The following FAM217A variants were observed in gnomAD, a reference collection of about 807,000 sequenced individuals.
FAM217A encodes the protein family with sequence similarity 217 member A, also known as protein FAM217A.
In FAM217A, 13 loss-of-function variants were observed where a neutral mutation model predicts 18.5. The ratio of observed to expected loss-of-function variants is 0.70; its 90% confidence interval spans 0.46 to 1.12. FAM217A has a LOEUF of 1.12. FAM217A is among the 50% of genes most tolerant of loss of function. The pLI, the probability that FAM217A is intolerant of heterozygous loss-of-function variation, is 0.00. For missense variants in FAM217A, 560 were observed against 575.4 expected (o/e 0.97, Z 0.27); for synonymous variants, 161 against 202.8 (o/e 0.79, Z 1.75).
At position 4,069,603 on chromosome 6, in the gene FAM217A, T is replaced by C; in HGVS notation, c.620A>G (p.Glu207Gly). Reference protein sequence around the residue: ...ENFTDESDLSENEKTNDTLLS... With the variant: ...ENFTDESDLSGNEKTNDTLLS... ...TAAAGTATCATTTGTCTTCTCATTTTCTGATAAATCACTTTCATCTGTGAA... is the reference window on the plus strand; with the variant it reads ...TAAAGTATCATTTGTCTTCTCATTTCCTGATAAATCACTTTCATCTGTGAA... Residue 207 changes from glutamate (E) to glycine (G), a missense_variant, in exon 7 of 7, where the codon GAA (glutamate) becomes GGA (glycine). By Grantham distance (98) the Glu-to-Gly change is moderately conservative. Coordinates refer to ENST00000274673, the MANE Select transcript of FAM217A (RefSeq NM_173563.3). The C allele has an allele frequency of 6.2e-7, 1 of 1,614,172 alleles. No individual in the cohort carries two copies. The highest frequency in any genetic ancestry group is 1.7e-5 in the Admixed American group (1 of 60,018).
intron 6 of FAM217A, among the ~76,000 whole-genome samples, chr6:4,070,367 TA>T (rs1295857632): frequency 6.6e-6 from 1 of 152,202 alleles, no homozygotes; most frequent in Non-Finnish European, 1.5e-5. Flanking sequence ...TAGGTTACTT[TA>T]AAAAGCCTTC....
At chr6:4,079,268 C>T (rs1277908135), upstream of FAM217A, 1 of 166,714 alleles carries the variant, frequency 6.0e-6, no homozygotes, top group Non-Finnish European at 1.3e-5. Flanking sequence ...TCGGGGGTCA[C>T]CCGGCCGCCG....
chr6:4,077,243 G>T, intron 2 of FAM217A, 112 bp downstream of exon 2: 1 of 1,002,644 alleles, frequency 1.0e-6, no homozygotes, highest in Non-Finnish European at 1.5e-6. Context: ...AGGATAAACT[G>T]CCCACGATGC....
Position 4,069,483 on chromosome 6 carries a change from G to A in FAM217A, c.740C>T (p.Pro247Leu). The change falls in exon 7 of 7, where the codon CCA becomes CTA. Residue 247 changes from proline (P) to leucine (L), a missense_variant. Physicochemically the swap from Pro to Leu is moderately conservative, Grantham distance 98 (BLOSUM62 -3). Transcript: ENST00000274673. ...AGGAGGAGGGAGAAAATCAGGATAT[G>A]GAAATACTTCATTTGGCTCCTCGGT... ...PFTEEPNEVF[P>L]YPDFLPPPFS... 1 of 1,614,112 alleles carries A rather than the reference G, an allele frequency of 6.2e-7. No individual in the cohort carries two copies. Among genetic ancestry groups the A allele is most frequent in the Non-Finnish European group, 8.5e-7 (1 of 1,180,014 alleles).
Position 4,069,197 on chromosome 6 carries a change from C to T in FAM217A, c.1026G>A (p.Gln342=), listed in dbSNP as rs778934160. Residue 342 remains glutamine, a synonymous_variant, in exon 7 of 7, where the codon CAG becomes CAA. Coordinates refer to ENST00000274673, the MANE Select transcript of FAM217A (RefSeq NM_173563.3). ...CTTGACTTTTATCTACACAAGGTAT[C>T]TGAAGACTCAAAGAGTCGCAAAGTT... The part of the protein sequence containing the change: ...QPKLCDSLSL[Q]IPCVDKSQEK... 1 of 1,604,234 alleles carries T rather than the reference C, an allele frequency of 6.2e-7. No homozygotes were observed. Among genetic ancestry groups the T allele is most frequent in the African/African-American group, 1.3e-5 (1 of 74,578 alleles).
At chr6:4,077,282 A>G (rs1654193311) in intron 2 of FAM217A, 73 bp downstream of exon 2, 2 of 1,506,066 alleles carry the variant, frequency 1.3e-6, no homozygotes, top group Non-Finnish European at 1.8e-6. Context: ...ACTACAAGAA[A>G]ACTCCATGGG....
chr6:4,079,433 C>CCGGGCCTTCT (rs1052986929), upstream of FAM217A: 5 of 343,602 alleles, frequency 1.5e-5, no homozygotes, highest in African/African-American at 6.7e-5. Flanking sequence ...CCTGAGCCTC[C>CCGGGCCTTCT]CGGGCCTTCT....
upstream of FAM217A, chr6:4,087,274 G>A: frequency 2.4e-6 from 3 of 1,227,426 alleles, no homozygotes; most frequent in Non-Finnish European, 3.1e-6. Flanking sequence ...CAAGACTGGA[G>A]TTTCTGCCAC....
chr6:4,085,992 A>G (rs929136993), intron 1 of FAM217A, among the ~76,000 whole-genome samples: 9 of 151,932 alleles, frequency 5.9e-5, no homozygotes, highest in Non-Finnish European at 8.8e-5. Context: ...ATGCACACCT[A>G]TAGACTCAGC....
Position 4,068,950 on chromosome 6 carries a change from G to A in FAM217A, c.1273C>T (p.Gln425Ter). Residue 425 changes from glutamine to a stop codon, truncating the protein, a stop_gained, in exon 7 of 7, where the codon CAA (glutamine) becomes TAA (stop). Coordinates refer to ENST00000274673, the MANE Select transcript of FAM217A (RefSeq NM_173563.3). LOFTEE classifies it low-confidence loss of function (END_TRUNC). Reference sequence around the variant, plus strand: ...GTGGAGACCATTTTAACCATTGATTGATTTGTATGGCCAATAGTAGGTTTG... The same window carrying A: ...GTGGAGACCATTTTAACCATTGATTAATTTGTATGGCCAATAGTAGGTTTG... The part of the protein sequence containing the change: ...SFKPTIGHTN[Q>*]SMVKMVSTRC... 2 of 1,614,152 alleles carry A rather than the reference G, an allele frequency of 1.2e-6. No individual in the cohort carries two copies. The highest frequency in any genetic ancestry group is 1.7e-6 in the Non-Finnish European group (2 of 1,180,014).
chr6:4,084,617 T>C, exon 2 of FAM217A: 1 of 703,054 alleles, frequency 1.4e-6, no homozygotes, highest in African/African-American at 1.7e-5. Context: ...AGTCCCTTTC[T>C]GGTCGTCAGA....
upstream of FAM217A, among the ~76,000 whole-genome samples, chr6:4,080,408 C>T (rs1770211152): frequency 6.6e-6 from 1 of 152,190 alleles, no homozygotes; most frequent in Admixed American, 6.5e-5. Flanking sequence ...CCATGTGGGC[C>T]GGGGCCTTGT....
At chr6:4,075,987 TA>T (rs1769764415) in intron 2 of FAM217A, among the ~76,000 whole-genome samples, 1 of 152,140 alleles carries the variant, frequency 6.6e-6, no homozygotes, top group African/African-American at 2.4e-5. Context: ...GGGAGCTTTT[TA>T]AAAATAATAG....
At chr6:4,072,672 G>A (rs1260441128) in intron 6 of FAM217A, among the ~76,000 whole-genome samples, 7 of 151,828 alleles carry the variant, frequency 4.6e-5, no homozygotes, top group Non-Finnish European at 1.0e-4. Flanking sequence ...TGAGGCAGGA[G>A]AATTGCTTCA....
chr6:4,083,010 C>T (rs923483591), upstream of FAM217A, among the ~76,000 whole-genome samples: 6 of 152,198 alleles, frequency 3.9e-5, no homozygotes, highest in African/African-American at 7.2e-5. Context: ...CATGGCCATG[C>T]CCAGGATTCA....
In FAM217A at chr6:4,069,087, C is replaced by A. The variant is rs1395963299; in HGVS notation, c.1136G>T (p.Trp379Leu). The A allele has an allele frequency of 6.2e-7, 1 of 1,613,974 alleles. No homozygotes were observed. Among genetic ancestry groups the A allele is most frequent in the African/African-American group, 1.3e-5 (1 of 74,896 alleles). The change falls in exon 7 of 7, where the codon TGG becomes TTG. Residue 379 changes from tryptophan to leucine, a missense_variant. Trp to Leu is a moderately conservative substitution (Grantham distance 61). Coordinates refer to ENST00000274673, the MANE Select transcript of FAM217A (RefSeq NM_173563.3). Reference protein sequence around the residue: ...RNWSNAGKYRWNSRPLSLKSS... With the variant: ...RNWSNAGKYRLNSRPLSLKSS... ...TTTTAGAGACAGTGGTCTAGAATTC[C>A]ATCTATATTTGCCAGCATTGCTCCA...
At chr6:4,078,643 C>A (rs1431405456) in intron 1 of FAM217A, among the ~76,000 whole-genome samples, 1 of 152,176 alleles carries the variant, frequency 6.6e-6, no homozygotes, top group Non-Finnish European at 1.5e-5. Flanking sequence ...GCCCTGGGGA[C>A]AAAGGACGCC....
At chr6:4,087,339 G>T, upstream of FAM217A, 1 of 1,231,836 alleles carries the variant, frequency 8.1e-7, no homozygotes, top group African/African-American at 1.5e-5. Flanking sequence ...TCTCTGCTTT[G>T]AAAATGCAGG....
intron 4 of FAM217A, 33 bp from the exon 5 acceptor site, chr6:4,073,540 A>G (rs755125999): frequency 3.8e-5 from 58 of 1,531,062 alleles, no homozygotes; most frequent in Non-Finnish European, 4.8e-5. Context: ...TAAACATAAT[A>G]TATCTCTGTT....
Sources: gnomAD v4.1 joint callset for allele counts (sites outside exome capture counted in the v4.1 genomes callset) on GRCh38, gnomAD v4.1.1 for gene constraint, MANE v1.5 for transcripts, NCBI Gene and HGNC (gene_info 2026-07-23, HGNC 2026-07-21) for gene names.